DNAJC17: variants seen among roughly 807,000 people sequenced by gnomAD.
The protein encoded by DNAJC17 is DnaJ heat shock protein family (Hsp40) member C17.
In DNAJC17, 35 loss-of-function variants were observed where a neutral mutation model predicts 48.1. That is an observed-to-expected ratio of 0.73 (90% CI 0.56 to 0.96). The LOEUF (loss-of-function observed/expected upper bound fraction) is 0.96, where lower values mean the gene tolerates loss of function less well. DNAJC17 is among the 50% of genes least tolerant of loss of function. The pLI is 0.00. For missense variants in DNAJC17, 355 were observed against 377.1 expected, an observed-to-expected ratio of 0.94 and a Z score of 0.48; for synonymous variants, 117 against 142.7, an observed-to-expected ratio of 0.82 and a Z score of 1.28.
At chr15:40,788,346 T>C (rs1471848838) in intron 1 of DNAJC17, among the ~76,000 whole-genome samples, 8 of 151,986 alleles carry the variant, frequency 5.3e-5, no homozygotes, top group Admixed American at 4.6e-4. Context: ...GAGGATCGCC[T>C]GAAGCCAGGA....
intron 1 of DNAJC17, among the ~76,000 whole-genome samples, chr15:40,793,246 GCATAAAAACACC>G (rs1180923410): frequency 2.0e-5 from 3 of 152,076 alleles, no homozygotes; most frequent in Non-Finnish European, 4.4e-5. Flanking sequence ...TCAAGATCTT[GCATAAAAACACC>G]AGTCATATAA....
intron 1 of DNAJC17, among the ~76,000 whole-genome samples, chr15:40,791,316 G>A (rs756960903): frequency 2.6e-5 from 4 of 151,998 alleles, no homozygotes; most frequent in Admixed American, 6.6e-5. Flanking sequence ...CACCTGAGGT[G>A]AGAAGTTTTG....
rs1392435929 is a variant in DNAJC17 at position 40,770,952 on chromosome 15, C to T, written c.792+2775G>A. 1.3e-6 allele frequency: 2 copies of T among 1,551,248 alleles called. No individual in the cohort carries two copies. The highest frequency in any genetic ancestry group is 1.7e-6 in the Non-Finnish European group (2 of 1,146,986). ...TCCCTTCCTCTCCTTCAAAGTGGAC[C>T]TGGGGATTTCACTTCTTGAGGAAGT... is the stretch of plus-strand genomic sequence containing the variant. On this transcript the variant is annotated intron_variant, in intron 10 of 10. Transcript: ENST00000220496. This position sits in a 1 kb window ranked among gnomAD's most constrained non-coding sequence, Gnocchi z 5.0.
intron 6 of DNAJC17, 80 bp from the exon 7 acceptor site, chr15:40,775,676 G>A (rs774164413): frequency 2.1e-6 from 3 of 1,441,392 alleles, no homozygotes; most frequent in Non-Finnish European, 2.9e-6. Flanking sequence ...CCCAGAGCAA[G>A]AAGGGTCTGG....
chr15:40,776,396 A>G (rs1299789370), intron 5 of DNAJC17, 104 bp from the exon 6 acceptor site: 1 of 1,470,920 alleles, frequency 6.8e-7, no homozygotes, highest in East Asian at 2.3e-5. Flanking sequence ...GCTAGGGCTC[A>G]GCAACCTGTG....
chr15:40,781,933 AT>A (rs1239800565), intron 1 of DNAJC17, among the ~76,000 whole-genome samples: 2 of 151,436 alleles, frequency 1.3e-5, no homozygotes, highest in East Asian at 3.9e-4. Context: ...AAAAAAAAAA[AT>A]TTTTTTTTGT....
chr15:40,802,485 A>G (rs1270726958), intron 1 of DNAJC17, among the ~76,000 whole-genome samples: 1 of 152,112 alleles, frequency 6.6e-6, no homozygotes, highest in African/African-American at 2.4e-5. Flanking sequence ...TGGATGTAGT[A>G]AGATTTAGAC....
At chr15:40,794,740 C>T (rs1011609524) in intron 1 of DNAJC17, among the ~76,000 whole-genome samples, 11 of 152,042 alleles carry the variant, frequency 7.2e-5, no homozygotes, top group South Asian at 2.1e-4. Flanking sequence ...TTTTTTGAGA[C>T]GGAGTCTTGC....
chr15:40,787,907 T>C (rs1029279080), intron 1 of DNAJC17, among the ~76,000 whole-genome samples: 1 of 152,232 alleles, frequency 6.6e-6, no homozygotes, highest in Non-Finnish European at 1.5e-5. Flanking sequence ...GGGATCATTA[T>C]TTTTTAAAAG....
At chr15:40,783,969 G>A in intron 1 of DNAJC17, among the ~76,000 whole-genome samples, 1 of 152,134 alleles carries the variant, frequency 6.6e-6, no homozygotes, top group East Asian at 1.9e-4. Context: ...GCTCACGCCT[G>A]TAATCCCAGC....
chr15:40,807,122 G>C (rs1302928204), intron 1 of DNAJC17: 1 of 940,320 alleles, frequency 1.1e-6, no homozygotes. Context: ...GCCTCTAGGA[G>C]ACAGGGGCCA....
rs895057164 is a variant in DNAJC17 at position 40,770,625 on chromosome 15, G to A, written c.793-2563C>T. ...GGCCAGCACAGCAGGTGGGGACCAC[G>A]AGGAGTACAGCAACCGAGAAGTCAT... is the stretch of plus-strand genomic sequence containing the variant. On this transcript the variant is annotated intron_variant, in intron 10 of 10. Coordinates refer to ENST00000220496, the MANE Select transcript of DNAJC17 (RefSeq NM_018163.3). The surrounding 1 kb of genome is among the most constrained non-coding windows in gnomAD (Gnocchi z 5.0). 7 of 1,550,442 alleles carry A rather than the reference G, an allele frequency of 4.5e-6. No individual in the cohort carries two copies. The highest frequency in any genetic ancestry group is 2.7e-5 in the African/African-American group (2 of 73,062).
rs1596074922 is a variant in DNAJC17 at position 40,773,221 on chromosome 15, A to T, written c.792+506T>A. Among the ~76,000 whole-genome samples the T allele has an allele frequency of 2.6e-5, 4 of 152,190 alleles. No homozygotes were observed. The South Asian group carries it at 8.3e-4, about 32-fold the overall frequency. On this transcript the variant is annotated intron_variant, in intron 10 of 10. Coordinates refer to ENST00000220496, the MANE Select transcript of DNAJC17 (RefSeq NM_018163.3). ...GTGATCCGCCCCCCTCGGCCTCCCA[A>T]AGTGCTGGGATTAACGGCATGAGCC...
chr15:40,779,865 T>G, intron 2 of DNAJC17, 63 bp downstream of exon 2: 1 of 1,551,030 alleles, frequency 6.4e-7, no homozygotes, highest in Non-Finnish European at 8.8e-7. Context: ...AGAGCTTACA[T>G]CGGGAAACAC....
chr15:40,770,574 C>T lies in DNAJC17; in HGVS notation c.793-2512G>A, dbSNP rs781217315. 387 of 1,550,638 alleles carry T rather than the reference C, an allele frequency of 2.5e-4. No homozygotes were observed. The highest frequency in any genetic ancestry group is 3.1e-4 in the Non-Finnish European group (355 of 1,146,970). ...GAGCCTGGGGCGGCCACGGCGGCTC[C>T]GGCGACAGAGTAGTGTGCTTAGCCA... On this transcript the variant is annotated intron_variant, in intron 10 of 10. Transcript: ENST00000220496. The surrounding 1 kb of genome is among the most constrained non-coding windows in gnomAD (Gnocchi z 5.0).
intron 1 of DNAJC17, among the ~76,000 whole-genome samples, chr15:40,801,562 C>G (rs1030517297): frequency 6.6e-6 from 1 of 151,886 alleles, no homozygotes; most frequent in African/African-American, 2.4e-5. Flanking sequence ...CAAGACCATC[C>G]TGTGAATGGT....
At chr15:40,784,374 G>A (rs1195398668) in intron 1 of DNAJC17, among the ~76,000 whole-genome samples, 2 of 152,054 alleles carry the variant, frequency 1.3e-5, no homozygotes, top group East Asian at 1.9e-4. Context: ...TATTTTGAAT[G>A]TTCTATATTG....
At chr15:40,775,634 G>C in intron 6 of DNAJC17, 38 bp from the exon 7 acceptor site, 1 of 1,598,202 alleles carries the variant, frequency 6.3e-7, no homozygotes, top group Non-Finnish European at 8.6e-7. Context: ...TAGAATATGA[G>C]GGAGTCAGAG....
chr15:40,790,694 T>A (rs1889776104), intron 1 of DNAJC17, among the ~76,000 whole-genome samples: 1 of 152,242 alleles, frequency 6.6e-6, no homozygotes, highest in Non-Finnish European at 1.5e-5. Flanking sequence ...GTGCCAGTAG[T>A]CCTTGACCAC....
Sources: gnomAD v4.1 joint callset for allele counts (sites outside exome capture counted in the v4.1 genomes callset) on GRCh38, gnomAD v4.1.1 for gene constraint, Gnocchi (gnomAD v3.1) non-coding constraint, MANE v1.5 for transcripts, NCBI Gene and HGNC (gene_info 2026-07-23, HGNC 2026-07-21) for gene names.